Variants in SUGCT observed in about 807,000 individuals in gnomAD.
SUGCT encodes the protein succinyl-CoA:glutarate-CoA transferase, also known as succinyl-CoA:glutarate CoA-transferase.
In SUGCT, 41 loss-of-function variants were observed where a neutral mutation model predicts 55.0. The ratio of observed to expected loss-of-function variants is 0.74; its 90% CI spans 0.58 to 0.97. The LOEUF (loss-of-function observed/expected upper bound fraction) is 0.97. SUGCT is among the 50% of genes least tolerant of loss of function. The pLI, the probability that SUGCT is intolerant of heterozygous loss-of-function variation, is 0.00. For missense variants in SUGCT, 568 were observed against 547.8 expected (o/e 1.04, Z -0.37); for synonymous variants, 187 against 200.4 (o/e 0.93, Z 0.56).
chr7:40,677,942 T>G (rs1380122084), intron 12 of SUGCT, among the ~76,000 whole-genome samples: 4 of 152,230 alleles, frequency 2.6e-5, no homozygotes, highest in Non-Finnish European at 4.4e-5. Context: ...TTGCAGGTGC[T>G]GCTTCCAAAG....
chr7:40,225,456 G>A (rs144895069), intron 6 of SUGCT, among the ~76,000 whole-genome samples: 3 of 147,786 alleles, frequency 2.0e-5, no homozygotes, highest in African/African-American at 7.6e-5. Context: ...TTTTTTTGAG[G>A]TGGGGAGTCT....
At chr7:40,659,586 A>G (rs977624107) in intron 12 of SUGCT, among the ~76,000 whole-genome samples, 1 of 152,212 alleles carries the variant, frequency 6.6e-6, no homozygotes, top group Non-Finnish European at 1.5e-5. Context: ...CAGTGTGAAA[A>G]TGGGCTACAC....
At chr7:41,038,049 T>C in the SUGCT span, among the ~76,000 whole-genome samples, 1 of 152,150 alleles carries the variant, frequency 6.6e-6, no homozygotes, top group Admixed American at 6.5e-5. Context: ...GCTTCTGATC[T>C]TTCTTATATT....
chr7:40,880,564 G>A, the SUGCT span, among the ~76,000 whole-genome samples: 1 of 152,054 alleles, frequency 6.6e-6, no homozygotes, highest in Non-Finnish European at 1.5e-5. Context: ...TATTTACTGG[G>A]TAAAAGTAAT....
chr7:41,036,322 T>C, the SUGCT span, among the ~76,000 whole-genome samples: 1 of 152,180 alleles, frequency 6.6e-6, no homozygotes, highest in Non-Finnish European at 1.5e-5. Context: ...TTTGTAACAA[T>C]TTATGTTAGA....
At chr7:40,153,387 T>A (rs1426435644) in intron 1 of SUGCT, 1 of 371,192 alleles carries the variant, frequency 2.7e-6, no homozygotes. Context: ...AAGGCTATTT[T>A]AAGTGGAAGG....
At chr7:40,503,398 G>A (rs1792403906) in intron 12 of SUGCT, among the ~76,000 whole-genome samples, 1 of 152,078 alleles carries the variant, frequency 6.6e-6, no homozygotes, top group South Asian at 2.1e-4. Context: ...TATTTTGTAT[G>A]TTTAAATATA....
chr7:40,245,398 A>G (rs1179888098), intron 7 of SUGCT, among the ~76,000 whole-genome samples: 2 of 87,424 alleles, frequency 2.3e-5, no homozygotes, highest in African/African-American at 5.5e-5. Context: ...ATAGGTACGT[A>G]GTAGACATAT....
At chr7:41,000,293 C>G in the SUGCT span, among the ~76,000 whole-genome samples, 1 of 152,170 alleles carries the variant, frequency 6.6e-6, no homozygotes, top group Non-Finnish European at 1.5e-5. Context: ...GACACACACA[C>G]ACGCACACAC....
chr7:40,386,296 G>T (rs933251504), intron 9 of SUGCT, among the ~76,000 whole-genome samples: 4 of 152,084 alleles, frequency 2.6e-5, no homozygotes, highest in African/African-American at 9.7e-5. Flanking sequence ...GGAATGTCTC[G>T]AGCCGTAATT....
At chr7:40,199,448 G>A (rs1786468717) in intron 6 of SUGCT, among the ~76,000 whole-genome samples, 1 of 152,168 alleles carries the variant, frequency 6.6e-6, no homozygotes, top group Non-Finnish European at 1.5e-5. Context: ...TTTGTGAAAA[G>A]GGCAGTGTTT....
intron 12 of SUGCT, among the ~76,000 whole-genome samples, chr7:40,557,848 G>T (rs994168029): frequency 5.3e-5 from 8 of 151,438 alleles, no homozygotes; most frequent in Non-Finnish European, 8.8e-5. Context: ...GAAAATATTT[G>T]TAAATTACAC....
chr7:40,232,657 T>A (rs1221596567), intron 6 of SUGCT, among the ~76,000 whole-genome samples: 1 of 152,204 alleles, frequency 6.6e-6, no homozygotes, highest in Non-Finnish European at 1.5e-5. Flanking sequence ...TCCCCTTAGC[T>A]TCCTCCCTGT....
At chr7:40,848,923 G>T (rs1793716564) in intron 13 of SUGCT, among the ~76,000 whole-genome samples, 1 of 152,130 alleles carries the variant, frequency 6.6e-6, no homozygotes, top group East Asian at 1.9e-4. Context: ...TGCATTGGAT[G>T]CTATGGCTGA....
the SUGCT span, among the ~76,000 whole-genome samples, chr7:41,025,646 T>C: frequency 0.1 from 15,705 of 152,152 alleles, 1,730 homozygotes; most frequent in African/African-American, 0.27. Context: ...TGAGCCACCG[T>C]GCCCAGCCAC....
chr7:40,689,087 C>A (rs186891243), intron 12 of SUGCT, among the ~76,000 whole-genome samples: 20 of 152,202 alleles, frequency 1.3e-4, no homozygotes, highest in Middle Eastern at 6.8e-3. Context: ...TGAGGCAGAC[C>A]CAACTTAAAG....
chr7:40,654,217 T>C (rs1259022022), intron 12 of SUGCT, among the ~76,000 whole-genome samples: 1 of 152,172 alleles, frequency 6.6e-6, no homozygotes, highest in Admixed American at 6.5e-5. Context: ...AGAACTAGTC[T>C]TTTGCTGTTG....
intron 10 of SUGCT, among the ~76,000 whole-genome samples, chr7:40,453,684 T>C (rs536690544): frequency 1.5e-4 from 23 of 152,338 alleles, no homozygotes; most frequent in Admixed American, 5.9e-4. Context: ...AATTGTCTGC[T>C]AAACCAGCAA....
chr7:40,534,390 T>TC (rs1794246848), intron 12 of SUGCT, among the ~76,000 whole-genome samples: 1 of 152,198 alleles, frequency 6.6e-6, no homozygotes, highest in Non-Finnish European at 1.5e-5. Context: ...GTTCTTAATT[T>TC]CTTTTTTTTT....
Sources: allele counts gnomAD v4.1 joint callset (sites outside exome capture counted in the v4.1 genomes callset), GRCh38; gene constraint gnomAD v4.1.1; transcripts MANE v1.5; gene names NCBI Gene and HGNC (gene_info 2026-07-23, HGNC 2026-07-21).